Variants in TFG observed in about 807,000 individuals in gnomAD.
The protein encoded by TFG is protein TFG.
In TFG, 22 loss-of-function variants were observed where a neutral mutation model predicts 51.4. The observed-to-expected ratio is 0.43, with a 90% confidence interval of 0.31 to 0.61. The LOEUF (loss-of-function observed/expected upper bound fraction) is 0.61. TFG is among the 20% of genes least tolerant of loss of function. The pLI is 0.12. For missense variants in TFG, 419 were observed against 487.7 expected (o/e 0.86, Z 1.33); for synonymous variants, 187 against 165.6 (o/e 1.13, Z -0.99).
chr3:100,714,600 C>T (rs2095040562), intron 2 of TFG, among the ~76,000 whole-genome samples: 1 of 151,592 alleles, frequency 6.6e-6, no homozygotes, highest in Admixed American at 6.6e-5. Context: ...CTCCTTTTGT[C>T]CATATAATTC....
intron 6 of TFG, among the ~76,000 whole-genome samples, chr3:100,739,680 C>T (rs556697639): frequency 3.3e-5 from 5 of 152,126 alleles, no homozygotes; most frequent in African/African-American, 9.7e-5. Context: ...GTGGCTTCAA[C>T]ACTTACCAAT....
intron 2 of TFG, among the ~76,000 whole-genome samples, chr3:100,718,804 C>T (rs1389124560): frequency 6.6e-6 from 1 of 151,976 alleles, no homozygotes; most frequent in African/African-American, 2.4e-5. Context: ...GTGATCCGCC[C>T]ACCTCAGCCT....
rs1576390105 is a variant in TFG, at chr3:100,748,493, G to C, written c.1165G>C (p.Gly389Arg). 6.2e-7 allele frequency: 1 copy of C among 1,613,876 alleles called. No homozygotes were observed. Among genetic ancestry groups the C allele is most frequent in the Admixed American group, 1.7e-5 (1 of 59,976 alleles). The change falls in exon 8 of 8, where the codon GGT becomes CGT. Residue 389 changes from glycine to arginine, a missense_variant. Coordinates refer to ENST00000240851, the MANE Select transcript of TFG (RefSeq NM_006070.6). ...NPYARNRPPFGQGYTQPGPGY... is the reference protein window; with the variant it reads ...NPYARNRPPFRQGYTQPGPGY... ...TTATGCGCGTAACCGTCCTCCCTTT[G>C]GTCAGGGCTATACCCAACCTGGACC...
At chr3:100,720,875 A>T (rs975367120) in intron 3 of TFG, among the ~76,000 whole-genome samples, 1 of 152,232 alleles carries the variant, frequency 6.6e-6, no homozygotes, top group African/African-American at 2.4e-5. Context: ...TAGTGTGATT[A>T]TGTGAAAAAT....
In TFG at chr3:100,747,031, T is replaced by TA; in HGVS notation, c.821-1115dup. Among the ~76,000 whole-genome samples the TA allele has an allele frequency of 4.6e-5, 7 of 152,350 alleles. No individual in the cohort carries two copies. The Middle Eastern group carries it at 0.017, about 370-fold the overall frequency. ...TATTAAGAACTAAGCTTGCTCTTAA[T>TA]AAATTTAGTCAGGGTCTTCACTCTG... On this transcript the variant is annotated intron_variant, in intron 7 of 7. Coordinates refer to ENST00000240851, the MANE Select transcript of TFG (RefSeq NM_006070.6).
chr3:100,732,354 TAAAGG>T (rs2095093963), intron 4 of TFG, among the ~76,000 whole-genome samples, 149 bp from the exon 5 acceptor site: 1 of 152,134 alleles, frequency 6.6e-6, no homozygotes, highest in African/African-American at 2.4e-5. Context: ...ATAAAAAAAA[TAAAGG>T]AATTAAAATG....
chr3:100,720,958 G>A (rs561001770), intron 3 of TFG, among the ~76,000 whole-genome samples: 2 of 151,712 alleles, frequency 1.3e-5, no homozygotes, highest in Admixed American at 1.3e-4. Flanking sequence ...TAATTTTGTT[G>A]CATGAAACTT....
intron 6 of TFG, among the ~76,000 whole-genome samples, chr3:100,737,932 G>GC (rs1272642009): frequency 1.3e-5 from 2 of 152,156 alleles, no homozygotes; most frequent in Non-Finnish European, 2.9e-5. Context: ...TATGGCATGT[G>GC]CCTATAGTTC....
At chr3:100,728,106 T>A (rs1326969534) in intron 3 of TFG, among the ~76,000 whole-genome samples, 1 of 152,168 alleles carries the variant, frequency 6.6e-6, no homozygotes, top group East Asian at 1.9e-4. Context: ...AGTGGTGGGA[T>A]TACAGGTGTG....
At chr3:100,733,076 G>A (rs2095096381) in intron 5 of TFG, among the ~76,000 whole-genome samples, 1 of 152,144 alleles carries the variant, frequency 6.6e-6, no homozygotes, top group Non-Finnish European at 1.5e-5. Context: ...AAAATTAAAT[G>A]TAGATTTTCT....
At position 100,748,927 on chromosome 3, in the gene TFG, T is replaced by TAACA. The variant is rs942468169; in HGVS notation, c.*397_*400dup. 4.3e-5 allele frequency: 9 copies of TAACA among 211,024 alleles called. No homozygotes were observed. Among genetic ancestry groups the TAACA allele is most frequent in the South Asian group, 1.7e-4 (1 of 5,884 alleles). 13.1% of individuals were successfully genotyped at this position (211,024 alleles called of 1,614,324 possible). ...AATACAAGATATTATGTATAAAATG[T>TAACA]AACACTGATGATAGGTTAATAAAGA... On this transcript the variant is annotated 3_prime_UTR_variant, in exon 8 of 8. Coordinates refer to ENST00000240851, the MANE Select transcript of TFG (RefSeq NM_006070.6).
rs1429746596 is a variant in TFG, at chr3:100,748,878, T to C, written c.*347T>C. On this transcript the variant is annotated 3_prime_UTR_variant, in exon 8 of 8. Transcript: ENST00000240851. ...ACTTGGCTTTTTACTATTAACATGA[T>C]GTACTAAAGTAGAGCCCTTTGAGAA... The C allele has an allele frequency of 1.6e-5, 4 of 255,856 alleles. No homozygotes were observed. The highest frequency in any genetic ancestry group is 2.3e-5 in the Non-Finnish European group (3 of 132,202). 15.8% of individuals were successfully genotyped at this position (255,856 alleles called of 1,614,324 possible).
At chr3:100,744,091 T>C (rs116296871) in intron 6 of TFG, 1 of 152,124 alleles carries the variant, frequency 6.6e-6, no homozygotes, top group Non-Finnish European at 1.5e-5. Flanking sequence ...AAATAAAAAG[T>C]AAAAAGAAAA....
chr3:100,736,468 T>G, intron 5 of TFG, 108 bp from the exon 6 acceptor site: 1 of 1,239,736 alleles, frequency 8.1e-7, no homozygotes, highest in East Asian at 2.4e-5. Flanking sequence ...TGTGGTTATA[T>G]ACTTATTCTA....
chr3:100,729,470 A>G (rs2095085411), intron 4 of TFG, among the ~76,000 whole-genome samples: 1 of 152,204 alleles, frequency 6.6e-6, no homozygotes, highest in Admixed American at 6.5e-5. Context: ...TTGGGACCGA[A>G]TGTATTTTAA....
chr3:100,710,003 G>C (rs6773482), intron 1 of TFG: 100,830 of 150,200 alleles, frequency 0.67, 34,085 homozygotes, highest in South Asian at 0.84. Flanking sequence ...AGGCGCGCCT[G>C]GGGGGCTCCG....
In TFG at chr3:100,723,904, A is replaced by G. The variant is rs527920414; in HGVS notation, c.268+3846A>G. Among the ~76,000 whole-genome samples the G allele has an allele frequency of 8.3e-4, 127 of 152,248 alleles. 1 individual carries two copies. Among genetic ancestry groups the G allele is most frequent in the African/African-American group, 3.0e-3 (124 of 41,556 alleles). On this transcript the variant is annotated intron_variant, in intron 3 of 7. Coordinates refer to ENST00000240851, the MANE Select transcript of TFG (RefSeq NM_006070.6). ...AAGTCAAGTCTTCCAGAAAATCCCA[A>G]AATGTAACAGATAATTAGATATCTT...
At chr3:100,717,296 A>C (rs1426660875) in intron 2 of TFG, among the ~76,000 whole-genome samples, 2 of 152,152 alleles carry the variant, frequency 1.3e-5, no homozygotes, top group African/African-American at 4.8e-5. Context: ...GTGCCAGTCC[A>C]TGCTTATTAC....
intron 7 of TFG, among the ~76,000 whole-genome samples, chr3:100,746,211 A>G (rs2149098190): frequency 6.6e-6 from 1 of 152,316 alleles, no homozygotes; most frequent in South Asian, 2.1e-4. Context: ...AGATTTAGTC[A>G]TCATTTAATC....
Sources: allele counts gnomAD v4.1 joint callset (sites outside exome capture counted in the v4.1 genomes callset), GRCh38; gene constraint gnomAD v4.1.1; transcripts MANE v1.5; gene names NCBI Gene and HGNC (gene_info 2026-07-23, HGNC 2026-07-21).